PIP5K1B: variants seen among roughly 807,000 people sequenced by gnomAD.
PIP5K1B encodes phosphatidylinositol 4-phosphate 5-kinase type-1 beta.
In PIP5K1B, 42 loss-of-function variants were observed where a neutral mutation model predicts 67.0. The observed-to-expected ratio is 0.63, with a 90% CI of 0.49 to 0.81. The LOEUF is 0.81. Among genes scored for constraint, PIP5K1B ranks in the 30% least tolerant of loss-of-function variants. PIP5K1B has a pLI of 0.00. For synonymous variants in PIP5K1B, 214 were observed against 231.4 expected (o/e 0.92, Z 0.68); for missense variants, 459 against 646.3 (o/e 0.71, Z 3.14).
intron 6 of PIP5K1B, among the ~76,000 whole-genome samples, chr9:68,879,454 G>C (rs1824063240): frequency 6.6e-6 from 1 of 152,174 alleles, no homozygotes; most frequent in Admixed American, 6.5e-5. Context: ...TGTAATCCCA[G>C]CTACTCGGGA....
intron 6 of PIP5K1B, among the ~76,000 whole-genome samples, chr9:68,882,596 C>G (rs1165423745): frequency 1.3e-5 from 2 of 152,058 alleles, no homozygotes; most frequent in African/African-American, 4.8e-5. Context: ...CCAGTTTTTT[C>G]TAGACACCTC....
chr9:68,901,167 A>G (rs1274076590), intron 8 of PIP5K1B, among the ~76,000 whole-genome samples: 2 of 152,214 alleles, frequency 1.3e-5, no homozygotes, highest in African/African-American at 2.4e-5. Context: ...CCTCTCATCA[A>G]TAAGGAATTC....
At position 68,917,590 on chromosome 9, in the gene PIP5K1B, G is replaced by C; in HGVS notation, c.814G>C (p.Gly272Arg). 6.2e-7 allele frequency: 1 copy of C among 1,614,036 alleles called. No individual in the cohort carries two copies. Among genetic ancestry groups the C allele is most frequent in the Non-Finnish European group, 8.5e-7 (1 of 1,179,928 alleles). The change falls in exon 9 of 16, where the codon GGA becomes CGA. Residue 272 changes from glycine to arginine, a missense_variant. Gly to Arg is a moderately radical substitution (Grantham distance 125, BLOSUM62 -2). Around this residue, in one of 2 missense-constraint regions of PIP5K1B, gnomAD observed 290 missense variants for 474.4 expected, o/e 0.61. Coordinates refer to ENST00000265382, the MANE Select transcript of PIP5K1B (RefSeq NM_003558.4). ...GATCATGGATTATAGCCTTCTGTTG[G>C]GAATTCATTTCCTGGACCATTCCCT... ...FKIMDYSLLL[G>R]IHFLDHSLKE...
chr9:68,846,988 G>GA (rs1222653908), intron 4 of PIP5K1B, among the ~76,000 whole-genome samples: 97 of 152,082 alleles, frequency 6.4e-4, no homozygotes, highest in Non-Finnish European at 1.6e-4. Context: ...GCACAAGTGG[G>GA]AAAAAACATC....
chr9:68,771,931 A>T (rs928562794), intron 2 of PIP5K1B, among the ~76,000 whole-genome samples: 4 of 152,212 alleles, frequency 2.6e-5, no homozygotes, highest in African/African-American at 4.8e-5. Context: ...ATAAATTTGT[A>T]TGAGGTAGGA....
chr9:68,774,332 TCTA>T (rs1830807679), intron 2 of PIP5K1B, among the ~76,000 whole-genome samples: 1 of 152,120 alleles, frequency 6.6e-6, no homozygotes, highest in Non-Finnish European at 1.5e-5. Flanking sequence ...CTCTTTTCTC[TCTA>T]CTGTCAAGCT....
At chr9:68,997,366 T>A (rs1168255901) in intron 15 of PIP5K1B, among the ~76,000 whole-genome samples, 1 of 152,212 alleles carries the variant, frequency 6.6e-6, no homozygotes. Flanking sequence ...TTGGAGCCAG[T>A]ATCCGCTGCT....
intron 2 of PIP5K1B, among the ~76,000 whole-genome samples, chr9:68,743,418 GT>G (rs1829117088): frequency 6.6e-6 from 1 of 152,056 alleles, no homozygotes; most frequent in Non-Finnish European, 1.5e-5. Flanking sequence ...GCCCAGTCTG[GT>G]TTCAAACTCC....
chr9:68,790,609 C>CACAT (rs1564138151), intron 2 of PIP5K1B, among the ~76,000 whole-genome samples: 2 of 151,966 alleles, frequency 1.3e-5, no homozygotes, highest in Admixed American at 6.6e-5. Context: ...CACACACACA[C>CACAT]ATACACACAC....
intron 14 of PIP5K1B, among the ~76,000 whole-genome samples, chr9:68,972,711 A>G (rs2132837801): frequency 6.6e-6 from 1 of 152,340 alleles, no homozygotes; most frequent in Non-Finnish European, 1.5e-5. Flanking sequence ...TTTTTTCCTA[A>G]ATGCTGGTTG....
chr9:68,825,839 CT>C (rs1286749804), intron 4 of PIP5K1B, among the ~76,000 whole-genome samples: 1 of 152,196 alleles, frequency 6.6e-6, no homozygotes. Flanking sequence ...CAGGTTTAGG[CT>C]TTCTGTATGG....
At chr9:69,006,911 C>T (rs901939846) in intron 15 of PIP5K1B, among the ~76,000 whole-genome samples, 1 of 152,176 alleles carries the variant, frequency 6.6e-6, no homozygotes, top group African/African-American at 2.4e-5. Context: ...GAGAGACCTG[C>T]ACCATACATC....
In PIP5K1B at chr9:68,940,695, G is replaced by C. The variant is rs756752797; in HGVS notation, c.1407G>C (p.Leu469=). Residue 469 remains leucine, a synonymous_variant, in exon 14 of 16, where the codon CTG becomes CTC. Coordinates refer to ENST00000265382, the MANE Select transcript of PIP5K1B (RefSeq NM_003558.4). ...RPDLVPSTPS[L]FEAASLATTI... is the part of the protein sequence containing the mutation. ...ACCTGGTCCCTAGCACTCCATCACT[G>C]TTTGAAGCTGCTTCCTTGGCAACCA... The C allele has an allele frequency of 1.9e-6, 3 of 1,613,936 alleles. No homozygotes were observed. The highest frequency in any genetic ancestry group is 2.5e-6 in the Non-Finnish European group (3 of 1,179,950).
chr9:68,811,082 G>T (rs1173669738), intron 2 of PIP5K1B, among the ~76,000 whole-genome samples: 1 of 152,100 alleles, frequency 6.6e-6, no homozygotes, highest in Non-Finnish European at 1.5e-5. Context: ...TAGACTTAAT[G>T]CAGGGGCTGC....
At position 68,894,322 on chromosome 9, in the gene PIP5K1B, C is replaced by T. The variant is rs190786182; in HGVS notation, c.472-17C>T. On this transcript the variant is annotated splice_polypyrimidine_tract_variant and intron_variant, in intron 7 of 15. Transcript: ENST00000265382. ...AATAGAAGATTGTAAATATATTTTT[C>T]TTTTTTTGGTTTCTAGAATTTAAAC... The T allele has an allele frequency of 3.9e-6, 6 of 1,521,698 alleles. No homozygotes were observed. Among genetic ancestry groups the T allele is most frequent in the Admixed American group, 1.9e-5 (1 of 53,350 alleles). 94.3% of individuals were successfully genotyped at this position (1,521,698 alleles called of 1,614,324 possible). A position where few individuals can be genotyped will look rare whatever the true frequency, so the allele number is the denominator to read the frequency against.
intron 2 of PIP5K1B, chr9:68,780,082 G>GTATCATT: frequency 7.5e-7 from 1 of 1,334,330 alleles, no homozygotes; most frequent in East Asian, 2.8e-5. Context: ...CGGTGGCGGC[G>GTATCATT]GCAGCGGCGG....
At chr9:68,967,640 A>G (rs1441300416) in intron 14 of PIP5K1B, among the ~76,000 whole-genome samples, 3 of 152,204 alleles carry the variant, frequency 2.0e-5, no homozygotes, top group Non-Finnish European at 2.9e-5. Flanking sequence ...CTACAGGGTG[A>G]GAATCCAGCA....
chr9:68,988,454 T>TGGGG (rs1209684566), intron 14 of PIP5K1B, among the ~76,000 whole-genome samples: 1 of 66,652 alleles, frequency 1.5e-5, no homozygotes, highest in Non-Finnish European at 3.1e-5. Flanking sequence ...GTTTTTTTTT[T>TGGGG]TTTTTTTTTT....
At chr9:68,741,259 AT>A (rs1828992627) in intron 1 of PIP5K1B, among the ~76,000 whole-genome samples, 1 of 152,214 alleles carries the variant, frequency 6.6e-6, no homozygotes, top group Non-Finnish European at 1.5e-5. Context: ...ATTTAACATT[AT>A]CCCATGTCAT....
Sources: allele counts gnomAD v4.1 joint callset (sites outside exome capture counted in the v4.1 genomes callset), GRCh38; gene constraint gnomAD v4.1.1; regional missense constraint gnomAD v4.1.1; transcripts MANE v1.5; gene names NCBI Gene and HGNC (gene_info 2026-07-23, HGNC 2026-07-21).